The following PRKAR1B variants were observed in gnomAD, a reference collection of about 807,000 sequenced individuals.
PRKAR1B encodes the protein cAMP-dependent protein kinase type I-beta regulatory subunit.
Under a neutral mutation model 46.5 loss-of-function variants are expected in PRKAR1B, and 22 were observed. The ratio of observed to expected loss-of-function variants is 0.47; its 90% CI spans 0.34 to 0.68. The LOEUF (loss-of-function observed/expected upper bound fraction) is 0.68. PRKAR1B is among the 30% of genes least tolerant of loss of function. The pLI is 0.01. For missense variants in PRKAR1B, 445 were observed against 535.6 expected, an observed-to-expected ratio of 0.83 and a Z score of 1.67; for synonymous variants, 259 against 217.7, an observed-to-expected ratio of 1.19 and a Z score of -1.67.
At chr7:555,297 C>T (rs779920317) in intron 9 of PRKAR1B, among the ~76,000 whole-genome samples, 2 of 152,066 alleles carry the variant, frequency 1.3e-5, no homozygotes, top group African/African-American at 4.8e-5. Flanking sequence ...GCTGCTGTGC[C>T]GACTGCTCCC....
At chr7:603,839 C>T (rs1408306390) in intron 6 of PRKAR1B, among the ~76,000 whole-genome samples, 1 of 130,564 alleles carries the variant, frequency 7.7e-6, no homozygotes, top group Non-Finnish European at 1.6e-5. Context: ...GAGGAGGTGA[C>T]ATGGTGACAC....
chr7:637,534 A>C lies in PRKAR1B; in HGVS notation c.441-30082T>G, dbSNP rs183746136. Among the ~76,000 whole-genome samples, 106 of 152,264 alleles carry C rather than the reference A, an allele frequency of 7.0e-4. 1 individual carries two copies. Among genetic ancestry groups the C allele is most frequent in the Admixed American group, 2.9e-3 (45 of 15,294 alleles). Reference sequence around the variant, plus strand: ...TAAATCTTCAGTGCACCTTTAAAAGAATCAAGAGCAAATAATGGGCCGGGT... The same window carrying C: ...TAAATCTTCAGTGCACCTTTAAAAGCATCAAGAGCAAATAATGGGCCGGGT... On this transcript the variant is annotated intron_variant, in intron 4 of 10. Coordinates refer to ENST00000537384, the MANE Select transcript of PRKAR1B (RefSeq NM_001164760.2).
At position 550,431 on chromosome 7, in the gene PRKAR1B, C is replaced by T. The variant is rs1343989845; in HGVS notation, c.1145G>A (p.Ter382=). 1 of 1,586,444 alleles carries T rather than the reference C, an allele frequency of 6.3e-7. No homozygotes were observed. Among genetic ancestry groups the T allele is most frequent in the Non-Finnish European group, 8.6e-7 (1 of 1,166,856 alleles). ...RYNSFISLTV[*] ...GGGGCTGCAGGGCGGGAGCTGTGCT[C>T]AGACGGTGAGGGAGATGAAGCTGTT... Residue 382 remains the stop codon, a stop_retained_variant, in exon 11 of 11, where the codon TGA becomes TAA. Coordinates refer to ENST00000537384, the MANE Select transcript of PRKAR1B (RefSeq NM_001164760.2).
At chr7:679,090 A>G (rs1476505724) in intron 3 of PRKAR1B, among the ~76,000 whole-genome samples, 1 of 152,234 alleles carries the variant, frequency 6.6e-6, no homozygotes, top group Admixed American at 6.5e-5. Context: ...CTCCATCTCA[A>G]AAAAATATAT....
intron 4 of PRKAR1B, among the ~76,000 whole-genome samples, chr7:642,484 G>T (rs1181277518): frequency 2.0e-5 from 3 of 152,160 alleles, no homozygotes; most frequent in Non-Finnish European, 4.4e-5. Flanking sequence ...CCAGCACTTT[G>T]GGGGGCCGAG....
chr7:568,768 G>A (rs979915866), intron 9 of PRKAR1B, among the ~76,000 whole-genome samples: 4 of 152,238 alleles, frequency 2.6e-5, no homozygotes, highest in African/African-American at 7.2e-5. Flanking sequence ...TTTGCATGGT[G>A]CTTAAGTCTC....
chr7:577,610 G>A (rs935591889), intron 9 of PRKAR1B, among the ~76,000 whole-genome samples: 1 of 152,206 alleles, frequency 6.6e-6, no homozygotes, highest in Admixed American at 6.5e-5. Flanking sequence ...GCCCCAGGCA[G>A]AGCCTCCGGA....
chr7:555,413 G>C (rs573009800), intron 9 of PRKAR1B, among the ~76,000 whole-genome samples: 1 of 152,180 alleles, frequency 6.6e-6, no homozygotes, highest in Non-Finnish European at 1.5e-5. Context: ...ATCTCCTAGA[G>C]GCCATTTGGA....
chr7:686,357 G>A (rs118016091), intron 2 of PRKAR1B, among the ~76,000 whole-genome samples: 4,165 of 152,234 alleles, frequency 0.027, 78 homozygotes, highest in Non-Finnish European at 0.044. Flanking sequence ...TTGTAAAGGG[G>A]TTAGTGTATC....
intron 2 of PRKAR1B, among the ~76,000 whole-genome samples, chr7:692,602 G>T (rs777563602): frequency 6.6e-6 from 1 of 152,168 alleles, no homozygotes; most frequent in Non-Finnish European, 1.5e-5. Context: ...GGTTGGGACC[G>T]CTCCCCTGAC....
At chr7:580,406 A>T (rs912434537) in intron 8 of PRKAR1B, among the ~76,000 whole-genome samples, 1 of 144,558 alleles carries the variant, frequency 6.9e-6, no homozygotes, top group Non-Finnish European at 1.5e-5. Flanking sequence ...TACAAAAAAA[A>T]TAATAATAAT....
intron 3 of PRKAR1B, among the ~76,000 whole-genome samples, chr7:680,159 A>G (rs1220027018): frequency 2.7e-5 from 3 of 111,824 alleles, no homozygotes; most frequent in Non-Finnish European, 5.7e-5. Context: ...CTCTGTTTCA[A>G]AAAAAAAAAA....
At chr7:557,015 T>C (rs1778485054) in intron 9 of PRKAR1B, among the ~76,000 whole-genome samples, 1 of 152,190 alleles carries the variant, frequency 6.6e-6, no homozygotes, top group African/African-American at 2.4e-5. Context: ...TCTGACCTCC[T>C]GAGCTGCAGA....
intron 9 of PRKAR1B, among the ~76,000 whole-genome samples, chr7:565,828 T>G (rs1002846833): frequency 2.0e-5 from 3 of 152,132 alleles, no homozygotes; most frequent in Admixed American, 2.0e-4. Flanking sequence ...CTACCTCACT[T>G]CTCCAAGTCT....
intron 2 of PRKAR1B, 46 bp downstream of exon 2, chr7:711,283 C>T: frequency 3.7e-6 from 6 of 1,606,746 alleles, no homozygotes; most frequent in Non-Finnish European, 4.3e-6. Flanking sequence ...CGCCTCTGCC[C>T]CAGGACACGT....
At chr7:584,354 CTG>C (rs1213626585) in intron 8 of PRKAR1B, among the ~76,000 whole-genome samples, 152 bp downstream of exon 8, 2 of 152,204 alleles carry the variant, frequency 1.3e-5, no homozygotes, top group Non-Finnish European at 2.9e-5. Flanking sequence ...GTGCACGTGT[CTG>C]TGCGTGAGCA....
intron 4 of PRKAR1B, among the ~76,000 whole-genome samples, chr7:629,648 C>T (rs867814077): frequency 3.8e-4 from 29 of 76,384 alleles, no homozygotes; most frequent in Non-Finnish European, 5.1e-4. Flanking sequence ...GGCTGGAAAA[C>T]GCTGCAGGAG....
chr7:635,589 C>T (rs1002139088), intron 4 of PRKAR1B, among the ~76,000 whole-genome samples: 2 of 152,304 alleles, frequency 1.3e-5, no homozygotes, highest in Non-Finnish European at 2.9e-5. Flanking sequence ...GCCTGGAGCC[C>T]GGAAGGCTCG....
chr7:698,572 C>T (rs1289398781), intron 2 of PRKAR1B, among the ~76,000 whole-genome samples: 13 of 151,636 alleles, frequency 8.6e-5, no homozygotes, highest in Admixed American at 8.5e-4. Flanking sequence ...GTGTGCACAT[C>T]CAGAGAGGTA....
Sources: allele counts gnomAD v4.1 joint callset (sites outside exome capture counted in the v4.1 genomes callset), GRCh38; gene constraint gnomAD v4.1.1; transcripts MANE v1.5; gene names NCBI Gene and HGNC (gene_info 2026-07-23, HGNC 2026-07-21).